The following GRIK2 variants were observed in gnomAD, a reference collection of about 807,000 sequenced individuals.
The protein encoded by GRIK2 is glutamate ionotropic receptor kainate type subunit 2.
Under a neutral mutation model 100.3 loss-of-function variants are expected in GRIK2, and 32 were observed. That is an observed-to-expected ratio of 0.32 (90% confidence interval 0.24 to 0.43). The LOEUF is 0.43. GRIK2 is among the 20% of genes least tolerant of loss of function. The probability of loss-of-function intolerance (pLI) is 1.00; values close to 1 mark genes in which losing one functional copy is unlikely to be tolerated. For missense variants in GRIK2, 843 were observed against 1,114.9 expected, an observed-to-expected ratio of 0.76 and a Z score of 3.47; for synonymous variants, 417 against 389.4, an observed-to-expected ratio of 1.07 and a Z score of -0.83.
chr6:102,002,094 T>G (rs1486010232), intron 14 of GRIK2, among the ~76,000 whole-genome samples: 1 of 151,466 alleles, frequency 6.6e-6, no homozygotes, highest in East Asian at 1.9e-4. Flanking sequence ...TTTAAAAGTT[T>G]TAAAGCTTTC....
chr6:101,688,902 C>T (rs1771896769), intron 7 of GRIK2, among the ~76,000 whole-genome samples: 1 of 151,776 alleles, frequency 6.6e-6, no homozygotes, highest in South Asian at 2.1e-4. Flanking sequence ...CATCATATAA[C>T]ATTGTACCAA....
chr6:101,616,550 A>C (rs1399514464), intron 2 of GRIK2, among the ~76,000 whole-genome samples: 2 of 151,830 alleles, frequency 1.3e-5, no homozygotes, highest in Non-Finnish European at 2.9e-5. Flanking sequence ...TTCTGTAAAA[A>C]GTCTTTTACC....
chr6:101,711,322 AAAT>A (rs1477969120), intron 7 of GRIK2, among the ~76,000 whole-genome samples: 2 of 151,822 alleles, frequency 1.3e-5, no homozygotes, highest in Admixed American at 6.6e-5. Flanking sequence ...AATGCCCACA[AAAT>A]AATATTTTAA....
intron 14 of GRIK2, among the ~76,000 whole-genome samples, chr6:101,988,607 G>T (rs1249071188): frequency 6.6e-6 from 1 of 151,726 alleles, no homozygotes; most frequent in Non-Finnish European, 1.5e-5. Flanking sequence ...TGCCTCATAG[G>T]CTTATCAGTC....
chr6:101,779,875 CTCTA>C (rs1778980111), intron 7 of GRIK2, among the ~76,000 whole-genome samples: 3 of 151,302 alleles, frequency 2.0e-5, no homozygotes, highest in East Asian at 1.9e-4. Context: ...AAATCTCTCT[CTCTA>C]TATATATATA....
intron 4 of GRIK2, among the ~76,000 whole-genome samples, chr6:101,643,756 C>CA (rs899911128): frequency 2.0e-5 from 3 of 151,444 alleles, no homozygotes; most frequent in African/African-American, 4.8e-5. Flanking sequence ...TCTGTTTCTG[C>CA]AAAAAATTTT....
intron 2 of GRIK2, among the ~76,000 whole-genome samples, chr6:101,450,488 T>G (rs1412528238): frequency 6.6e-6 from 1 of 151,716 alleles, no homozygotes; most frequent in Non-Finnish European, 1.5e-5. Context: ...CTCAAGGATG[T>G]GATTCTGTAC....
chr6:101,587,046 G>A (rs552242349), intron 2 of GRIK2, among the ~76,000 whole-genome samples: 14 of 152,024 alleles, frequency 9.2e-5, no homozygotes, highest in African/African-American at 3.1e-4. Context: ...TTTATTCACA[G>A]GGTTGAGGAT....
At chr6:101,610,989 C>G (rs1185820421) in intron 2 of GRIK2, among the ~76,000 whole-genome samples, 1 of 151,622 alleles carries the variant, frequency 6.6e-6, no homozygotes, top group East Asian at 1.9e-4. Flanking sequence ...ATTTAAGTAG[C>G]CATTTCCCAA....
At position 101,716,916 on chromosome 6, in the gene GRIK2, C is replaced by A. The variant is rs377515100; in HGVS notation, c.951+30563C>A. ...CTTCCAGTGCCCATTCCTCTACATA[C>A]TTTATTGCTTCCTTAATCTCCACAG... On this transcript the variant is annotated intron_variant, in intron 7 of 16. Transcript: ENST00000369134. Among the ~76,000 whole-genome samples the A allele has an allele frequency of 2.0e-5, 3 of 151,798 alleles. No homozygotes were observed. The East Asian group carries it at 5.8e-4, about 30-fold the overall frequency.
At chr6:101,822,876 T>C (rs1782044280) in intron 10 of GRIK2, among the ~76,000 whole-genome samples, 1 of 152,092 alleles carries the variant, frequency 6.6e-6, no homozygotes, top group Admixed American at 6.5e-5. Flanking sequence ...GCTGATACTA[T>C]AAAATGAAAA....
At chr6:101,766,108 A>G (rs1163577862) in intron 7 of GRIK2, among the ~76,000 whole-genome samples, 2 of 152,104 alleles carry the variant, frequency 1.3e-5, no homozygotes, top group Non-Finnish European at 2.9e-5. Context: ...ATTTGAAGAG[A>G]TTATTTTAAG....
chr6:101,636,164 C>A (rs1270677583), intron 4 of GRIK2, among the ~76,000 whole-genome samples: 1 of 152,050 alleles, frequency 6.6e-6, no homozygotes, highest in Non-Finnish European at 1.5e-5. Context: ...GAATGCTATG[C>A]AGCCATAAAA....
At chr6:101,567,942 T>C (rs973075069) in intron 2 of GRIK2, among the ~76,000 whole-genome samples, 2 of 151,964 alleles carry the variant, frequency 1.3e-5, no homozygotes, top group Admixed American at 1.3e-4. Flanking sequence ...ATGCCACTTG[T>C]AGATGTAGAA....
chr6:101,856,203 CTCTGTA>C (rs1189799401), intron 10 of GRIK2, among the ~76,000 whole-genome samples: 1 of 152,076 alleles, frequency 6.6e-6, no homozygotes, highest in East Asian at 1.9e-4. Context: ...CCTTGTGTTT[CTCTGTA>C]TCAAATGAGC....
At chr6:102,048,104 A>G (rs1770991863) in intron 15 of GRIK2, among the ~76,000 whole-genome samples, 1 of 151,210 alleles carries the variant, frequency 6.6e-6, no homozygotes, top group Admixed American at 6.6e-5. Context: ...AAGAACACCC[A>G]ATGGAAAAAA....
chr6:101,466,959 T>G (rs1771680435), intron 2 of GRIK2, among the ~76,000 whole-genome samples: 1 of 152,220 alleles, frequency 6.6e-6, no homozygotes, highest in Admixed American at 6.5e-5. Context: ...AAAAATAATT[T>G]TCTTTCTTCT....
At chr6:101,730,228 T>C (rs1335603219) in intron 7 of GRIK2, among the ~76,000 whole-genome samples, 1 of 151,802 alleles carries the variant, frequency 6.6e-6, no homozygotes, top group Non-Finnish European at 1.5e-5. Flanking sequence ...CCTTAAAGAG[T>C]AGACTAAATC....
chr6:101,923,499 T>C (rs539320091), intron 12 of GRIK2, among the ~76,000 whole-genome samples: 298 of 152,318 alleles, frequency 2.0e-3, no homozygotes, highest in Non-Finnish European at 3.5e-3. Flanking sequence ...TCTAAAGTCA[T>C]CTACAACTGG....
Sources: gnomAD v4.1 joint callset for allele counts (sites outside exome capture counted in the v4.1 genomes callset) on GRCh38, gnomAD v4.1.1 for gene constraint, MANE v1.5 for transcripts, NCBI Gene and HGNC (gene_info 2026-07-23, HGNC 2026-07-21) for gene names.